Variants in DLG2 observed in about 807,000 individuals in gnomAD.
DLG2 encodes the protein discs large MAGUK scaffold protein 2, also known as disks large homolog 2.
DLG2 carries 45 observed loss-of-function variants against 132.5 expected under a neutral mutation model. The ratio of observed to expected loss-of-function variants is 0.34; its 90% CI spans 0.27 to 0.44. The LOEUF (loss-of-function observed/expected upper bound fraction) is 0.44. Among genes scored for constraint, DLG2 ranks in the 20% least tolerant of loss-of-function variants. The probability of loss-of-function intolerance (pLI) is 1.00; values close to 1 mark genes in which losing one functional copy is unlikely to be tolerated. For missense variants in DLG2, 1,045 were observed against 1,196.9 expected (o/e 0.87, Z 1.87); for synonymous variants, 424 against 419.6 (o/e 1.01, Z -0.13).
chr11:85,162,793 T>C (rs2078137555), intron 4 of DLG2, among the ~76,000 whole-genome samples: 1 of 152,142 alleles, frequency 6.6e-6, no homozygotes, highest in African/African-American at 2.4e-5. Context: ...GAGATGTACG[T>C]GGGTTCAAGT....
chr11:85,222,059 T>A (rs1441881035), intron 4 of DLG2, among the ~76,000 whole-genome samples: 1 of 151,842 alleles, frequency 6.6e-6, no homozygotes, highest in African/African-American at 2.4e-5. Context: ...CACCTCAGCC[T>A]CCCCAAGTAG....
At chr11:84,233,712 C>A (rs749765210) in intron 8 of DLG2, among the ~76,000 whole-genome samples, 1 of 152,176 alleles carries the variant, frequency 6.6e-6, no homozygotes, top group Non-Finnish European at 1.5e-5. Flanking sequence ...TCTGTGAACC[C>A]CAATGCATTT....
rs11822511 is a variant in DLG2, at chr11:84,256,962, C to T, written c.520-5671G>A. ...CACAATTCACACAGAAGATTTCCAT[C>T]GGGATGAGCCCCAGTCAGACCATAT... On this transcript the variant is annotated intron_variant, in intron 7 of 27. Coordinates refer to ENST00000376104, the MANE Select transcript of DLG2 (RefSeq NM_001142699.3). 7.3e-3 allele frequency among the ~76,000 whole-genome samples: 1,112 copies of T among 152,232 alleles called. 20 individuals carry two copies. Among genetic ancestry groups the T allele is most frequent in the African/African-American group, 0.025 (1,018 of 41,538 alleles).
At chr11:85,478,178 T>TTTTA (rs879558022) in intron 3 of DLG2, among the ~76,000 whole-genome samples, 95 of 152,010 alleles carry the variant, frequency 6.2e-4, no homozygotes, top group African/African-American at 1.8e-3. Flanking sequence ...TACTAACTTA[T>TTTTA]TTTATTTATT....
chr11:84,503,319 T>C (rs2099227614), intron 7 of DLG2, among the ~76,000 whole-genome samples: 2 of 152,300 alleles, frequency 1.3e-5, no homozygotes, highest in Non-Finnish European at 2.9e-5. Flanking sequence ...GACCTAATAG[T>C]GAGCTTGGCA....
chr11:84,835,915 A>C (rs1478952300), intron 6 of DLG2, among the ~76,000 whole-genome samples: 1 of 151,746 alleles, frequency 6.6e-6, no homozygotes, highest in African/African-American at 2.4e-5. Flanking sequence ...ACAGAAACTC[A>C]AATAACCTTA....
chr11:85,260,403 T>G (rs2076881719), intron 4 of DLG2, among the ~76,000 whole-genome samples: 1 of 152,210 alleles, frequency 6.6e-6, no homozygotes, highest in Non-Finnish European at 1.5e-5. Flanking sequence ...CCTATGTCAA[T>G]CTTCCTTTAA....
intron 10 of DLG2, among the ~76,000 whole-genome samples, chr11:84,082,248 G>A (rs980346191): frequency 2.0e-5 from 3 of 152,102 alleles, no homozygotes; most frequent in African/African-American, 4.8e-5. Flanking sequence ...CAATGCCTGT[G>A]TTATGGTATT....
Position 84,308,704 on chromosome 11 carries a change from G to A in DLG2, c.520-57413C>T, listed in dbSNP as rs111972235. Reference sequence around the variant, plus strand: ...CCCCGCGGGGAGGCAGCTAAGGCCCGTGAGAAATCGAGCGCAGCGCCGGTG... The same window carrying A: ...CCCCGCGGGGAGGCAGCTAAGGCCCATGAGAAATCGAGCGCAGCGCCGGTG... On this transcript the variant is annotated intron_variant, in intron 7 of 27. Coordinates refer to ENST00000376104, the MANE Select transcript of DLG2 (RefSeq NM_001142699.3). Among the ~76,000 whole-genome samples, 5 of 152,274 alleles carry A rather than the reference G, an allele frequency of 3.3e-5. 1 individual carries two copies. Among genetic ancestry groups the A allele is most frequent in the African/African-American group, 1.2e-4 (5 of 41,574 alleles).
intron 6 of DLG2, among the ~76,000 whole-genome samples, chr11:84,948,850 A>T (rs2050563954): frequency 6.6e-6 from 1 of 152,200 alleles, no homozygotes; most frequent in East Asian, 1.9e-4. Context: ...TAAAATAAGA[A>T]AAATAAAGCC....
At chr11:85,341,688 T>C (rs1421927423) in intron 3 of DLG2, among the ~76,000 whole-genome samples, 1 of 152,180 alleles carries the variant, frequency 6.6e-6, no homozygotes, top group Non-Finnish European at 1.5e-5. Flanking sequence ...AAAAGTACAA[T>C]CATGCATCAT....
intron 6 of DLG2, among the ~76,000 whole-genome samples, chr11:84,959,149 T>C (rs1056397038): frequency 6.6e-6 from 1 of 152,206 alleles, no homozygotes; most frequent in Non-Finnish European, 1.5e-5. Flanking sequence ...ATGCAAATGA[T>C]GGATTCTAAA....
chr11:84,316,030 C>A (rs2098350787), intron 7 of DLG2, among the ~76,000 whole-genome samples: 1 of 151,950 alleles, frequency 6.6e-6, no homozygotes, highest in Admixed American at 6.6e-5. Flanking sequence ...ACAGCATTTG[C>A]AGGAAGTTAT....
At position 84,391,691 on chromosome 11, in the gene DLG2, C is replaced by CTTCTTAATG. The variant is rs1465704114; in HGVS notation, c.520-140409_520-140401dup. Among the ~76,000 whole-genome samples, 4 of 151,894 alleles carry CTTCTTAATG rather than the reference C, an allele frequency of 2.6e-5. No homozygotes were observed. In the East Asian group the frequency reaches 7.8e-4, roughly 29 times the overall value. On this transcript the variant is annotated intron_variant, in intron 7 of 27. Transcript: ENST00000376104. The stretch of plus-strand genomic sequence containing the variant: ...CACTACAGCTGATTGTATTCCGAGA[C>CTTCTTAATG]TTCTTAATGGAAAGCAAACAAAACT...
chr11:83,623,007 G>T (rs982627767), intron 19 of DLG2, among the ~76,000 whole-genome samples: 1 of 152,104 alleles, frequency 6.6e-6, no homozygotes, highest in Non-Finnish European at 1.5e-5. Context: ...ATGATCTAAA[G>T]CTGTCAATGG....
At chr11:85,099,874 T>C (rs1016909365) in intron 6 of DLG2, among the ~76,000 whole-genome samples, 2 of 152,158 alleles carry the variant, frequency 1.3e-5, no homozygotes, top group African/African-American at 2.4e-5. Flanking sequence ...AAAAAAATCA[T>C]TATAATTGCA....
At chr11:85,085,798 G>A (rs1347263225) in intron 6 of DLG2, among the ~76,000 whole-genome samples, 1 of 152,228 alleles carries the variant, frequency 6.6e-6, no homozygotes, top group Middle Eastern at 3.4e-3. Flanking sequence ...TGACTCCAAA[G>A]TCAGTGTCCT....
intron 11 of DLG2, among the ~76,000 whole-genome samples, chr11:84,035,377 A>G (rs1170503113): frequency 1.3e-5 from 2 of 152,232 alleles, no homozygotes; most frequent in East Asian, 1.9e-4. Context: ...ACATATATTT[A>G]TAATACAATG....
chr11:84,817,162 C>T (rs775777840), intron 6 of DLG2, among the ~76,000 whole-genome samples: 41 of 152,010 alleles, frequency 2.7e-4, no homozygotes, highest in Non-Finnish European at 4.9e-4. Context: ...AGGACAAGCA[C>T]TCTCTCTGAT....
Sources: allele counts gnomAD v4.1 joint callset (sites outside exome capture counted in the v4.1 genomes callset), GRCh38; gene constraint gnomAD v4.1.1; transcripts MANE v1.5; gene names NCBI Gene and HGNC (gene_info 2026-07-23, HGNC 2026-07-21).